PTPRD: variants seen among roughly 807,000 people sequenced by gnomAD.
The protein encoded by PTPRD is receptor-type tyrosine-protein phosphatase delta.
In PTPRD, 34 loss-of-function variants were observed where a neutral mutation model predicts 214.5. That is an observed-to-expected ratio of 0.16 (90% confidence interval 0.12 to 0.21). PTPRD has a LOEUF of 0.21. Among genes scored for constraint, PTPRD ranks in the 10% least tolerant of loss-of-function variants. The pLI is 1.00. For synonymous variants in PTPRD, 1,128 were observed against 845.7 expected (o/e 1.33, Z -5.79); for missense variants, 2,545 against 2,398.7 (o/e 1.06, Z -1.27).
intron 11 of PTPRD, among the ~76,000 whole-genome samples, chr9:9,011,778 G>A (rs2099512738): frequency 6.6e-6 from 1 of 152,154 alleles, no homozygotes; most frequent in South Asian, 2.1e-4. Flanking sequence ...CTAGTTCAAA[G>A]TTAGGATTTC....
chr9:8,892,731 A>G (rs867206134), intron 11 of PTPRD, among the ~76,000 whole-genome samples: 5 of 147,776 alleles, frequency 3.4e-5, no homozygotes, highest in Admixed American at 1.4e-4. Context: ...ATATATATAT[A>G]TGTATGTATA....
chr9:10,196,949 A>G (rs895230142), intron 3 of PTPRD, among the ~76,000 whole-genome samples: 1 of 152,110 alleles, frequency 6.6e-6, no homozygotes, highest in African/African-American at 2.4e-5. Flanking sequence ...TCCTCTATGA[A>G]CAAAGAAGAT....
chr9:9,775,650 A>T (rs2098791536), intron 5 of PTPRD, among the ~76,000 whole-genome samples: 1 of 152,052 alleles, frequency 6.6e-6, no homozygotes, highest in Admixed American at 6.5e-5. Flanking sequence ...GATTACTAAA[A>T]AGCGAATTCT....
At chr9:8,331,347 A>AATAGGAAGCAAATTTTTT (rs766381565) in intron 44 of PTPRD, among the ~76,000 whole-genome samples, 123 of 152,268 alleles carry the variant, frequency 8.1e-4, no homozygotes, top group Middle Eastern at 3.4e-3. Context: ...TGGTTTGTCT[A>AATAGGAAGCAAATTTTTT]ATAGGAAGCA....
intron 3 of PTPRD, among the ~76,000 whole-genome samples, chr9:10,178,516 A>G (rs1333638734): frequency 6.6e-6 from 1 of 152,036 alleles, no homozygotes. Context: ...AGAAAACTGG[A>G]TATGAAAAAT....
chr9:8,396,799 TAGAA>T (rs1486171714), intron 36 of PTPRD, among the ~76,000 whole-genome samples: 3 of 152,144 alleles, frequency 2.0e-5, no homozygotes, highest in African/African-American at 4.8e-5. Flanking sequence ...AGACAGCTCT[TAGAA>T]AGACTGCAAG....
At chr9:10,589,489 T>C (rs1325393126) in intron 2 of PTPRD, among the ~76,000 whole-genome samples, 1 of 151,998 alleles carries the variant, frequency 6.6e-6, no homozygotes, top group Non-Finnish European at 1.5e-5. Flanking sequence ...TTTCAATAAA[T>C]GACTAAGACA....
At chr9:9,718,871 G>A (rs984207169) in intron 7 of PTPRD, among the ~76,000 whole-genome samples, 16 of 152,128 alleles carry the variant, frequency 1.1e-4, no homozygotes, top group African/African-American at 2.2e-4. Flanking sequence ...GTTGACCCTC[G>A]GCAAAGACAG....
intron 4 of PTPRD, among the ~76,000 whole-genome samples, chr9:10,018,854 T>C (rs2096783604): frequency 6.6e-6 from 1 of 150,728 alleles, no homozygotes; most frequent in Non-Finnish European, 1.5e-5. Flanking sequence ...CGGCCAGAAT[T>C]ACATTTCTAA....
intron 2 of PTPRD, among the ~76,000 whole-genome samples, chr9:10,348,462 G>A (rs1195250366): frequency 2.0e-5 from 3 of 152,224 alleles, no homozygotes; most frequent in Non-Finnish European, 2.9e-5. Flanking sequence ...TGCCCCTTAC[G>A]TGGTGCACAT....
intron 4 of PTPRD, among the ~76,000 whole-genome samples, chr9:10,029,604 T>A (rs1343961476): frequency 6.6e-6 from 1 of 152,176 alleles, no homozygotes; most frequent in Non-Finnish European, 1.5e-5. Flanking sequence ...AGCCCCTTTG[T>A]TTTGGTCAAT....
intron 7 of PTPRD, among the ~76,000 whole-genome samples, chr9:9,653,469 T>G (rs946497570): frequency 6.6e-6 from 1 of 150,956 alleles, no homozygotes; most frequent in Non-Finnish European, 1.5e-5. Flanking sequence ...AATGAATATA[T>G]TTTTTTCAAA....
At chr9:8,945,619 C>G (rs919585683) in intron 11 of PTPRD, among the ~76,000 whole-genome samples, 2 of 151,834 alleles carry the variant, frequency 1.3e-5, no homozygotes, top group Admixed American at 1.3e-4. Flanking sequence ...CAGATTCATG[C>G]TCTACACCCT....
intron 2 of PTPRD, among the ~76,000 whole-genome samples, chr9:10,528,407 C>G (rs2055009107): frequency 6.6e-6 from 1 of 152,078 alleles, no homozygotes; most frequent in Non-Finnish European, 1.5e-5. Flanking sequence ...CAAACAGTAC[C>G]TGACACATAA....
rs1168851979 is a variant in PTPRD at position 8,528,904 on chromosome 9, C to G, written c.353-125G>C. 3 of 862,456 alleles carry G rather than the reference C, an allele frequency of 3.5e-6. No individual in the cohort carries two copies. The East Asian group carries it at 7.9e-5, about 23-fold the overall frequency. 53.4% of individuals were successfully genotyped at this position (862,456 alleles called of 1,614,324 possible). ...TTGAGAACCTAACACAAACCAGGCA[C>G]TAATAAATTAGAACACAGTCACAAT... On this transcript the variant is annotated intron_variant, in intron 14 of 45. Coordinates refer to ENST00000381196, the MANE Select transcript of PTPRD (RefSeq NM_002839.4).
At chr9:8,330,326 T>A (rs541064072) in intron 44 of PTPRD, among the ~76,000 whole-genome samples, 11 of 152,278 alleles carry the variant, frequency 7.2e-5, no homozygotes, top group African/African-American at 2.6e-4. Context: ...TTTCCAGCTC[T>A]TGTAAGTACA....
At chr9:9,953,943 A>G (rs1202078955) in intron 4 of PTPRD, among the ~76,000 whole-genome samples, 1 of 152,166 alleles carries the variant, frequency 6.6e-6, no homozygotes, top group Non-Finnish European at 1.5e-5. Flanking sequence ...TGTGTTTTTT[A>G]AAATTATATT....
chr9:9,460,566 CAT>C (rs1182297634), intron 8 of PTPRD, among the ~76,000 whole-genome samples: 2 of 151,772 alleles, frequency 1.3e-5, no homozygotes, highest in East Asian at 3.9e-4. Context: ...TGGCAGCAAA[CAT>C]ATAAAAAATG....
At chr9:9,774,308 G>T (rs1404408079) in intron 5 of PTPRD, among the ~76,000 whole-genome samples, 1 of 152,162 alleles carries the variant, frequency 6.6e-6, no homozygotes, top group Non-Finnish European at 1.5e-5. Context: ...GGGGCTAAGA[G>T]AATATTGATA....
Sources: gnomAD v4.1 joint callset for allele counts (sites outside exome capture counted in the v4.1 genomes callset) on GRCh38, gnomAD v4.1.1 for gene constraint, MANE v1.5 for transcripts, NCBI Gene and HGNC (gene_info 2026-07-23, HGNC 2026-07-21) for gene names.